PALLD: variants seen among roughly 807,000 people sequenced by gnomAD.
The protein encoded by PALLD is palladin.
Under a neutral mutation model 123.5 loss-of-function variants are expected in PALLD, and 61 were observed. That is an observed-to-expected ratio of 0.49 (90% confidence interval 0.40 to 0.61). PALLD has a LOEUF of 0.61. Among genes scored for constraint, PALLD ranks in the 20% least tolerant of loss-of-function variants. PALLD has a pLI of 0.00. For synonymous variants in PALLD, 465 were observed against 496.4 expected (o/e 0.94, Z 0.84); for missense variants, 1,273 against 1,377.0 (o/e 0.92, Z 1.20).
At chr4:168,755,239 A>AG in intron 10 of PALLD, among the ~76,000 whole-genome samples, 1 of 151,956 alleles carries the variant, frequency 6.6e-6, no homozygotes, top group East Asian at 1.9e-4. Context: ...TCTCAAAAAA[A>AG]AAAAAAAAAA....
chr4:168,854,913 T>C (rs1257002966), intron 10 of PALLD, among the ~76,000 whole-genome samples: 2 of 152,230 alleles, frequency 1.3e-5, no homozygotes, highest in African/African-American at 4.8e-5. Flanking sequence ...CCGTCTGTGC[T>C]GAGCACAACA....
At chr4:168,500,680 A>G (rs1265487803) in intron 1 of PALLD, among the ~76,000 whole-genome samples, 3 of 152,092 alleles carry the variant, frequency 2.0e-5, no homozygotes, top group Admixed American at 6.6e-5. Context: ...CCAGCCCCCT[A>G]TAAATATTTC....
Position 168,921,699 on chromosome 4 carries a change from C to T in PALLD, c.3016C>T (p.Arg1006Ter). 1 of 1,611,522 alleles carries T rather than the reference C, an allele frequency of 6.2e-7. No individual in the cohort carries two copies. The highest frequency in any genetic ancestry group is 8.5e-7 in the Non-Finnish European group (1 of 1,179,790). The change falls in exon 18 of 22, where the codon CGA becomes TGA. Residue 1006 changes from arginine to a stop codon, truncating the protein, a stop_gained. Coordinates refer to ENST00000505667, the MANE Select transcript of PALLD (RefSeq NM_001166108.2). LOFTEE classifies it high-confidence loss of function. ...AGIYTCIATNRAGQNSFSLEL... is the reference protein window; with the variant it reads ...AGIYTCIATN ...CATCTACACATGTATAGCTACCAAC[C>T]GAGCAGGACAGAACTCATTCAGCCT... is the stretch of plus-strand genomic sequence containing the variant.
chr4:168,547,815 G>C (rs1766304628), intron 2 of PALLD, among the ~76,000 whole-genome samples: 1 of 151,830 alleles, frequency 6.6e-6, no homozygotes, highest in African/African-American at 2.4e-5. Context: ...GCGTGGTGGC[G>C]TGCGCCTGTA....
chr4:168,759,187 AAAAAAAAAAAAAAAAATATATAT>A (rs1470528428), intron 10 of PALLD, among the ~76,000 whole-genome samples: 2 of 21,500 alleles, frequency 9.3e-5, no homozygotes, highest in Non-Finnish European at 2.1e-4. Flanking sequence ...CTCAAAAAAA[AAAAAAAAAAAAAAAAATATATAT>A]ATATATATAT....
At chr4:168,737,932 A>C (rs1037821555) in intron 10 of PALLD, among the ~76,000 whole-genome samples, 1 of 152,252 alleles carries the variant, frequency 6.6e-6, no homozygotes, top group Non-Finnish European at 1.5e-5. Flanking sequence ...CAGAGACAGC[A>C]GCAGCTGTGA....
At chr4:168,701,028 TGTG>T (rs1263668431) in intron 8 of PALLD, 1 of 127,466 alleles carries the variant, frequency 7.8e-6, no homozygotes. Context: ...TAATTACAGT[TGTG>T]ATGATATTAT....
chr4:168,729,200 A>G (rs4058061), intron 10 of PALLD, among the ~76,000 whole-genome samples: 8,260 of 152,230 alleles, frequency 0.054, 290 homozygotes, highest in South Asian at 0.091. Context: ...GGGTTTTGCT[A>G]GGTACTACAT....
At chr4:168,845,172 C>T (rs564419903) in intron 10 of PALLD, among the ~76,000 whole-genome samples, 2 of 152,200 alleles carry the variant, frequency 1.3e-5, no homozygotes, top group Admixed American at 1.3e-4. Flanking sequence ...GCCTTGCTTT[C>T]CACACCCAAA....
chr4:168,759,733 A>G (rs1732556009), intron 10 of PALLD, among the ~76,000 whole-genome samples: 1 of 152,164 alleles, frequency 6.6e-6, no homozygotes, highest in South Asian at 2.1e-4. Context: ...TTATGAGGGA[A>G]GCAAAAAGAA....
intron 10 of PALLD, among the ~76,000 whole-genome samples, chr4:168,743,772 C>T (rs985865225): frequency 1.3e-5 from 2 of 152,134 alleles, no homozygotes; most frequent in Non-Finnish European, 2.9e-5. Context: ...TAAGAGCTTG[C>T]TTGCAGTTTG....
At chr4:168,789,689 C>T (rs1351631288) in intron 10 of PALLD, among the ~76,000 whole-genome samples, 2 of 140,112 alleles carry the variant, frequency 1.4e-5, no homozygotes, top group African/African-American at 5.4e-5. Flanking sequence ...GGCAACAGAG[C>T]GAGACTCCGT....
chr4:168,854,486 C>G (rs1163193719), intron 10 of PALLD, among the ~76,000 whole-genome samples: 1 of 152,188 alleles, frequency 6.6e-6, no homozygotes, highest in East Asian at 1.9e-4. Flanking sequence ...TGAGTTAGAT[C>G]AGAAGTAGGC....
At chr4:168,639,808 T>G (rs1776752247) in intron 2 of PALLD, among the ~76,000 whole-genome samples, 1 of 152,174 alleles carries the variant, frequency 6.6e-6, no homozygotes, top group African/African-American at 2.4e-5. Context: ...CCACCCAAAG[T>G]GCTGGGATTA....
intron 10 of PALLD, among the ~76,000 whole-genome samples, chr4:168,879,243 A>G (rs994790112): frequency 6.6e-6 from 1 of 152,196 alleles, no homozygotes; most frequent in Non-Finnish European, 1.5e-5. Flanking sequence ...AAAATGGAAA[A>G]TCTTTGAGGA....
At chr4:168,840,029 G>C (rs1050461106) in intron 10 of PALLD, among the ~76,000 whole-genome samples, 17 of 152,156 alleles carry the variant, frequency 1.1e-4, no homozygotes, top group Non-Finnish European at 5.9e-5. Flanking sequence ...AGAAAAACTT[G>C]TGGTTTTTCT....
intron 3 of PALLD, among the ~76,000 whole-genome samples, chr4:168,673,579 G>T (rs761276456): frequency 1.2e-4 from 19 of 152,170 alleles, no homozygotes; most frequent in Admixed American, 1.3e-4. Flanking sequence ...GGTTTAAACT[G>T]ATTCATATTT....
intron 3 of PALLD, among the ~76,000 whole-genome samples, chr4:168,674,920 A>G (rs541415487): frequency 4.1e-4 from 63 of 152,320 alleles, no homozygotes; most frequent in African/African-American, 1.3e-3. Flanking sequence ...AGAGAGAAAA[A>G]TAGATCATGC....
intron 10 of PALLD, among the ~76,000 whole-genome samples, chr4:168,868,822 A>G (rs958926236): frequency 2.0e-5 from 3 of 152,234 alleles, no homozygotes; most frequent in Non-Finnish European, 4.4e-5. Flanking sequence ...AAGTGGCTGT[A>G]GAACAGTGCA....
Sources: allele counts gnomAD v4.1 joint callset (sites outside exome capture counted in the v4.1 genomes callset), GRCh38; gene constraint gnomAD v4.1.1; transcripts MANE v1.5; gene names NCBI Gene and HGNC (gene_info 2026-07-23, HGNC 2026-07-21).